The following SKP1 variants were observed in gnomAD, a reference collection of about 807,000 sequenced individuals.
SKP1 encodes S-phase kinase associated protein 1.
In SKP1, 1 loss-of-function variant was observed where a neutral mutation model predicts 21.5. That is an observed-to-expected ratio of 0.05 (90% CI 0.02 to 0.22). The LOEUF (loss-of-function observed/expected upper bound fraction) is 0.22. Ranked by LOEUF, SKP1 falls within the 10% of genes least tolerant of loss-of-function variation. The pLI, the probability that SKP1 is intolerant of heterozygous loss-of-function variation, is 1.00. For synonymous variants in SKP1, 59 were observed against 59.3 expected (o/e 0.99, Z 0.03); for missense variants, 70 against 192.0 (o/e 0.36, Z 3.76).
At position 134,151,527 on chromosome 5, in the gene SKP1, TATTC is replaced by T; in HGVS notation, c.*6202_*6205del. On this transcript the variant is annotated 3_prime_UTR_variant, in exon 6 of 6. Coordinates refer to ENST00000353411, the MANE Select transcript of SKP1 (RefSeq NM_170679.3). ...GAATTTTCACCAGATAGGTGGGAGGTATTCAAAGTGAGAGCACTTTAAGGAAATA... is the reference window on the plus strand; with the variant it reads ...GAATTTTCACCAGATAGGTGGGAGGTAAAGTGAGAGCACTTTAAGGAAATA... 1 of 332,164 alleles carries T rather than the reference TATTC, an allele frequency of 3.0e-6. No homozygotes were observed. The highest frequency in any genetic ancestry group is 6.2e-6 in the Non-Finnish European group (1 of 161,378). 20.6% of individuals were successfully genotyped at this position (332,164 alleles called of 1,614,324 possible).
At chr5:134,165,073 G>T (rs1208657829) in intron 3 of SKP1, among the ~76,000 whole-genome samples, 1 of 144,682 alleles carries the variant, frequency 6.9e-6, no homozygotes, top group Non-Finnish European at 1.5e-5. Context: ...TTTTTTGAGG[G>T]GGGAGGGTGT....
intron 1 of SKP1, among the ~76,000 whole-genome samples, chr5:134,176,429 G>C (rs993364490): frequency 9.2e-5 from 14 of 152,084 alleles, no homozygotes; most frequent in African/African-American, 3.4e-4. Context: ...ACCGACACAC[G>C]CCCACGCTCA....
chr5:134,158,655 T>A, intron 4 of SKP1, 60 bp from the exon 5 acceptor site: 2 of 1,404,196 alleles, frequency 1.4e-6, no homozygotes, highest in Non-Finnish European at 2.0e-6. Context: ...AAATCCAAAG[T>A]TAATGATTGA....
Position 134,154,705 on chromosome 5 carries a change from A to G in SKP1, c.*3028T>C, listed in dbSNP as rs1017419134. On this transcript the variant is annotated 3_prime_UTR_variant, in exon 6 of 6. Transcript: ENST00000353411. Reference sequence around the variant, plus strand: ...AGAGGAAACCGACAAACATCCTTCAATCACCCAAATCTGCCAAATACCTTC... The same window carrying G: ...AGAGGAAACCGACAAACATCCTTCAGTCACCCAAATCTGCCAAATACCTTC... 6.6e-6 allele frequency: 1 copy of G among 152,168 alleles called. No homozygotes were observed. Among genetic ancestry groups the G allele is most frequent in the Non-Finnish European group, 1.5e-5 (1 of 68,028 alleles). The allele number at this position is 152,168 out of a possible 1,614,324, so 9.4% of individuals were successfully genotyped here. A position where few individuals can be genotyped will look rare whatever the true frequency, so the allele number is the denominator to read the frequency against.
chr5:134,160,870 G>A lies in SKP1; in HGVS notation c.315+117C>T, dbSNP rs145677432. ...ACTGATATGTGGATTTAAATATGGC[G>A]TTACATTTGAATTTAGAGAGTATTA... On this transcript the variant is annotated intron_variant, in intron 4 of 5. Coordinates refer to ENST00000353411, the MANE Select transcript of SKP1 (RefSeq NM_170679.3). 1.0e-3 allele frequency: 676 copies of A among 676,412 alleles called. 5 individuals are homozygous for A. Among genetic ancestry groups the A allele is most frequent in the African/African-American group, 9.6e-3 (531 of 55,134 alleles). 41.9% of individuals were successfully genotyped at this position (676,412 alleles called of 1,614,324 possible). A position where few individuals can be genotyped will look rare whatever the true frequency, so the allele number is the denominator to read the frequency against.
rs1224021641 is a variant in SKP1 at position 134,153,916 on chromosome 5, A to G, written c.*3817T>C. ...CTATGATGTCATGTTACAAGGCTGC[A>G]GTTACCTGTCCAACCAAGTCACAAT... is the stretch of plus-strand genomic sequence containing the variant. On this transcript the variant is annotated 3_prime_UTR_variant, in exon 6 of 6. Transcript: ENST00000353411. 6.6e-6 allele frequency: 1 copy of G among 152,214 alleles called. No individual in the cohort carries two copies. Among genetic ancestry groups the G allele is most frequent in the Admixed American group, 6.5e-5 (1 of 15,282 alleles). 9.4% of individuals were successfully genotyped at this position (152,214 alleles called of 1,614,324 possible).
At position 134,154,245 on chromosome 5, in the gene SKP1, A is replaced by C. The variant is rs1292178024; in HGVS notation, c.*3488T>G. 6.6e-6 allele frequency: 1 copy of C among 152,046 alleles called. No individual in the cohort carries two copies. The highest frequency in any genetic ancestry group is 1.9e-4 in the East Asian group (1 of 5,186). The allele number at this position is 152,046 out of a possible 1,614,324, so 9.4% of individuals were successfully genotyped here. ...GGCGGATCACAAGGTCAGGAGTTCA[A>C]GACCAGCCTGGCCAATATGGTAAAA... is the stretch of plus-strand genomic sequence containing the variant. On this transcript the variant is annotated 3_prime_UTR_variant, in exon 6 of 6. Transcript: ENST00000353411.
At chr5:134,160,249 C>G (rs1183709493) in intron 4 of SKP1, among the ~76,000 whole-genome samples, 1 of 151,848 alleles carries the variant, frequency 6.6e-6, no homozygotes. Context: ...CTCAGCTACT[C>G]AGGAGGCTGA....
rs1340666577 is a variant in SKP1, at chr5:134,150,951, G to A, written c.*6782C>T. ...AGAATAAAAGCCTAGCTCAGGTCAG[G>A]AAGGATTTTCAAGCTCTTAAAGATA... is the stretch of plus-strand genomic sequence containing the variant. On this transcript the variant is annotated 3_prime_UTR_variant, in exon 6 of 6. Transcript: ENST00000353411. 1 of 152,212 alleles carries A rather than the reference G, an allele frequency of 6.6e-6. No individual in the cohort carries two copies. Among genetic ancestry groups the A allele is most frequent in the African/African-American group, 2.4e-5 (1 of 41,440 alleles). 9.4% of individuals were successfully genotyped at this position (152,212 alleles called of 1,614,324 possible).
In SKP1 at chr5:134,157,557, G is replaced by GT; in HGVS notation, c.*175dup. 1.7e-6 allele frequency: 1 copy of GT among 602,076 alleles called. No individual in the cohort carries two copies. The highest frequency in any genetic ancestry group is 1.9e-5 in the African/African-American group (1 of 53,832). The allele number at this position is 602,076 out of a possible 1,614,324, so 37.3% of individuals were successfully genotyped here. A position where few individuals can be genotyped will look rare whatever the true frequency, so the allele number is the denominator to read the frequency against. Reference sequence around the variant, plus strand: ...CCATCATACTAGAAGAAACTTGGCCGTAAGGTTTGGGATCTGTGCTCAAAC... The same window carrying GT: ...CCATCATACTAGAAGAAACTTGGCCGTTAAGGTTTGGGATCTGTGCTCAAAC... On this transcript the variant is annotated 3_prime_UTR_variant, in exon 6 of 6. Coordinates refer to ENST00000353411, the MANE Select transcript of SKP1 (RefSeq NM_170679.3).
intron 5 of SKP1, 157 bp downstream of exon 5, chr5:134,158,298 A>G: frequency 6.6e-7 from 1 of 1,521,818 alleles, no homozygotes; most frequent in Non-Finnish European, 8.7e-7. Context: ...AGATTCATAA[A>G]GACAGAACAG....
intron 4 of SKP1, 162 bp from the exon 5 acceptor site, chr5:134,158,757 T>G: frequency 4.6e-6 from 3 of 649,316 alleles, no homozygotes; most frequent in South Asian, 1.9e-5. Flanking sequence ...GAAAGACTTT[T>G]ATGTGACCTT....
chr5:134,174,010 T>C lies in SKP1; in HGVS notation c.13A>G (p.Lys5Glu). Residue 5 changes from lysine (K) to glutamate (E), a missense_variant, in exon 2 of 6, where the codon AAG becomes GAG. Physicochemically the swap from Lys to Glu is moderately conservative, Grantham distance 56. Transcript: ENST00000353411. ...ATCTCTCCATCAGAACTCTGCAACTTAATTGAAGGCATCTAAAAAAAAAGG... is the reference window on the plus strand; with the variant it reads ...ATCTCTCCATCAGAACTCTGCAACTCAATTGAAGGCATCTAAAAAAAAAGG... Reference protein sequence around the residue: MPSIKLQSSDGEIFE... With the variant: MPSIELQSSDGEIFE... 1 of 1,597,272 alleles carries C rather than the reference T, an allele frequency of 6.3e-7. No individual in the cohort carries two copies. The highest frequency in any genetic ancestry group is 8.6e-7 in the Non-Finnish European group (1 of 1,165,056).
chr5:134,168,834 G>C (rs1033572854), intron 2 of SKP1, among the ~76,000 whole-genome samples: 3 of 152,048 alleles, frequency 2.0e-5, no homozygotes, highest in African/African-American at 7.2e-5. Flanking sequence ...TTTAGGAAGA[G>C]AGGATCAAGA....
intron 2 of SKP1, among the ~76,000 whole-genome samples, chr5:134,170,176 A>T (rs1761415210): frequency 6.6e-6 from 1 of 152,168 alleles, no homozygotes; most frequent in Non-Finnish European, 1.5e-5. Flanking sequence ...ATCTCAAAAA[A>T]ATAAAATAAA....
intron 4 of SKP1, among the ~76,000 whole-genome samples, chr5:134,160,363 TA>T (rs1321122334): frequency 6.6e-6 from 1 of 150,704 alleles, no homozygotes; most frequent in Non-Finnish European, 1.5e-5. Flanking sequence ...GTCTCAAAAA[TA>T]TATATATATA....
intron 3 of SKP1, 32 bp downstream of exon 3, chr5:134,167,138 C>T (rs756284364): frequency 8.9e-7 from 1 of 1,120,376 alleles, no homozygotes; most frequent in Non-Finnish European, 1.4e-6. Context: ...ATATATTAAG[C>T]AGAATAAACT....
In SKP1 at chr5:134,150,410, A is replaced by G. The variant is rs1307560928; in HGVS notation, c.*7323T>C. The G allele has an allele frequency of 6.6e-6, 1 of 152,258 alleles. No individual in the cohort carries two copies. Among genetic ancestry groups the G allele is most frequent in the African/African-American group, 2.4e-5 (1 of 41,448 alleles). The allele number at this position is 152,258 out of a possible 1,614,324, so 9.4% of individuals were successfully genotyped here. ...AAGGGTTCTTTATATCCTGTTCCAGAGAGGAAGAAAGGGAATCAGTTCCTG... is the reference window on the plus strand; with the variant it reads ...AAGGGTTCTTTATATCCTGTTCCAGGGAGGAAGAAAGGGAATCAGTTCCTG... On this transcript the variant is annotated 3_prime_UTR_variant, in exon 6 of 6. Transcript: ENST00000353411.
In SKP1 at chr5:134,157,611, T is replaced by C. The variant is rs2149372679; in HGVS notation, c.*122A>G. 1.2e-6 allele frequency: 1 copy of C among 860,608 alleles called. No homozygotes were observed. The highest frequency in any genetic ancestry group is 2.5e-5 in the East Asian group (1 of 40,596). 53.3% of individuals were successfully genotyped at this position (860,608 alleles called of 1,614,324 possible). On this transcript the variant is annotated 3_prime_UTR_variant, in exon 6 of 6. Transcript: ENST00000353411. ...ACATGCAATGAGGACAATATTCTGC[T>C]AATACAATTGACTTGCTGCTGCATT...
Sources: allele counts gnomAD v4.1 joint callset (sites outside exome capture counted in the v4.1 genomes callset), GRCh38; gene constraint gnomAD v4.1.1; transcripts MANE v1.5; gene names NCBI Gene and HGNC (gene_info 2026-07-23, HGNC 2026-07-21).